ZNF362: variants seen among roughly 807,000 people sequenced by gnomAD.
ZNF362 encodes zinc finger protein 362.
A neutral mutation model predicts 42.9 loss-of-function variants in ZNF362; 11 were observed. That is an observed-to-expected ratio of 0.26 (90% CI 0.16 to 0.42). The LOEUF (loss-of-function observed/expected upper bound fraction) is 0.42. Ranked by LOEUF, ZNF362 falls within the 20% of genes least tolerant of loss-of-function variation. ZNF362 has a pLI of 1.00. For missense variants in ZNF362, 362 were observed against 576.2 expected (o/e 0.63, Z 3.81); for synonymous variants, 255 against 257.3 (o/e 0.99, Z 0.09).
rs6425813 is a variant in ZNF362 at position 33,266,591 on chromosome 1, G to T, written c.-88-3896G>T. ...AGCTGTGGGGCTATGTTGGGGTAGG[G>T]GTTGTAACTAAGAACCAGACCAAGC... On this transcript the variant is annotated intron_variant, in intron 1 of 8. Transcript: ENST00000539719. The surrounding 1 kb of genome is among the most constrained non-coding windows in gnomAD (Gnocchi z 4.3). Among the ~76,000 whole-genome samples the T allele has an allele frequency of 0.71, 108,038 of 152,084 alleles. 38,393 individuals are homozygous for T. Among genetic ancestry groups the T allele is most frequent in the East Asian group, 0.81 (4,210 of 5,172 alleles).
chr1:33,235,949 C>A, the ZNF362 span, among the ~76,000 whole-genome samples: 1 of 152,134 alleles, frequency 6.6e-6, no homozygotes, highest in Non-Finnish European at 1.5e-5. Context: ...GATGCTTAAG[C>A]TGAAAGAGAA....
chr1:33,209,645 G>C, the ZNF362 span, among the ~76,000 whole-genome samples: 1 of 152,160 alleles, frequency 6.6e-6, no homozygotes, highest in Non-Finnish European at 1.5e-5. Context: ...TCCTGGTTTA[G>C]TCTTGAGAGG....
At chr1:33,222,317 GC>G in the ZNF362 span, among the ~76,000 whole-genome samples, 1 of 152,020 alleles carries the variant, frequency 6.6e-6, no homozygotes, top group African/African-American at 2.4e-5. Flanking sequence ...CTAGAAACAA[GC>G]CCTGTACATC....
chr1:33,281,870 G>A lies in ZNF362; in HGVS notation c.908+59G>A. 1.3e-6 allele frequency: 2 copies of A among 1,575,242 alleles called. No individual in the cohort carries two copies. The highest frequency in any genetic ancestry group is 1.1e-5 in the South Asian group (1 of 89,052). On this transcript the variant is annotated intron_variant, in intron 6 of 8. Transcript: ENST00000539719. This position sits in a 1 kb window ranked among gnomAD's most constrained non-coding sequence, Gnocchi z 4.8. Reference sequence around the variant, plus strand: ...GACTCAGCTCAGCACCCGTGGCCTGGCACATGGAGCCAGTGCAAGGAGGGG... The same window carrying A: ...GACTCAGCTCAGCACCCGTGGCCTGACACATGGAGCCAGTGCAAGGAGGGG...
chr1:33,222,770 C>T, the ZNF362 span, among the ~76,000 whole-genome samples: 1 of 152,152 alleles, frequency 6.6e-6, no homozygotes, highest in Admixed American at 6.5e-5. Context: ...CAAGTGTTAC[C>T]TCTCATAGAG....
chr1:33,236,550 A>AAAAAAAAAATAT, the ZNF362 span, among the ~76,000 whole-genome samples: 21 of 5,984 alleles, frequency 3.5e-3, 1 homozygote, highest in African/African-American at 6.6e-3. Flanking sequence ...AAAAAAAAAA[A>AAAAAAAAAATAT]ATATATATAT....
At position 33,281,249 on chromosome 1, in the gene ZNF362, C is replaced by T. The variant is rs975797406; in HGVS notation, c.684-338C>T. ...CTCCCCAGATGATTCTAATGAGCAG[C>T]CTGGTTGAGAACTACTTCACGTGGT... On this transcript the variant is annotated intron_variant, in intron 5 of 8. Transcript: ENST00000539719. The surrounding 1 kb of genome is among the most constrained non-coding windows in gnomAD (Gnocchi z 4.8). Among the ~76,000 whole-genome samples, 14 of 152,248 alleles carry T rather than the reference C, an allele frequency of 9.2e-5. No homozygotes were observed. The East Asian group carries it at 2.7e-3, about 29-fold the overall frequency.
chr1:33,164,042 G>A, the ZNF362 span: 1 of 152,312 alleles, frequency 6.6e-6, no homozygotes, highest in African/African-American at 2.4e-5. Flanking sequence ...CTCTCATACA[G>A]AGAGAGGCTT....
At chr1:33,185,676 A>T in the ZNF362 span, among the ~76,000 whole-genome samples, 7 of 152,106 alleles carry the variant, frequency 4.6e-5, no homozygotes, top group Non-Finnish European at 1.0e-4. Context: ...TCCACATCTG[A>T]TGTGGTTGAG....
Position 33,280,017 on chromosome 1 carries a change from T to A in ZNF362, c.350-107T>A. On this transcript the variant is annotated intron_variant, in intron 4 of 8. Coordinates refer to ENST00000539719, the MANE Select transcript of ZNF362 (RefSeq NM_152493.3). This position sits in a 1 kb window ranked among gnomAD's most constrained non-coding sequence, Gnocchi z 5.6. Reference sequence around the variant, plus strand: ...TTAGTTACCCCTGGGTAATAACTTATGAACGTTAAGGGGATGCTCGCCTGC... The same window carrying A: ...TTAGTTACCCCTGGGTAATAACTTAAGAACGTTAAGGGGATGCTCGCCTGC... The A allele has an allele frequency of 7.5e-7, 1 of 1,341,254 alleles. No individual in the cohort carries two copies. The highest frequency in any genetic ancestry group is 9.9e-7 in the Non-Finnish European group (1 of 1,008,910). The allele number at this position is 1,341,254 out of a possible 1,614,324, so 83.1% of individuals were successfully genotyped here. A position where few individuals can be genotyped will look rare whatever the true frequency, so the allele number is the denominator to read the frequency against.
chr1:33,179,397 G>T, the ZNF362 span, among the ~76,000 whole-genome samples: 1 of 152,202 alleles, frequency 6.6e-6, no homozygotes, highest in East Asian at 1.9e-4. Flanking sequence ...CATCTGCTGG[G>T]TGCAGGCCTA....
At chr1:33,170,393 AAAC>A in the ZNF362 span, among the ~76,000 whole-genome samples, 35 of 152,054 alleles carry the variant, frequency 2.3e-4, no homozygotes, top group African/African-American at 7.5e-4. Context: ...CCCATCTTTA[AAAC>A]AACAACAACA....
At chr1:33,277,911 G>A (rs928318200) in intron 4 of ZNF362, among the ~76,000 whole-genome samples, 2 of 147,482 alleles carry the variant, frequency 1.4e-5, no homozygotes, top group African/African-American at 5.2e-5. Flanking sequence ...AGACCTCAGT[G>A]GTTGGGCCTT....
intron 1 of ZNF362, among the ~76,000 whole-genome samples, chr1:33,268,471 AACAG>A (rs1224486140): frequency 6.6e-6 from 1 of 152,232 alleles, no homozygotes; most frequent in African/African-American, 2.4e-5. Flanking sequence ...TGGATGAGCA[AACAG>A]ACAGAACATG....
the ZNF362 span, among the ~76,000 whole-genome samples, chr1:33,250,895 G>GAA: frequency 6.9e-4 from 105 of 151,728 alleles, no homozygotes; most frequent in East Asian, 1.6e-3. Context: ...AGAAGAAGAA[G>GAA]GAGAAGAAGA....
At chr1:33,178,692 T>G in the ZNF362 span, among the ~76,000 whole-genome samples, 1 of 152,200 alleles carries the variant, frequency 6.6e-6, no homozygotes, top group East Asian at 1.9e-4. Flanking sequence ...ATGAAGTGAC[T>G]CACCAAGGTG....
In ZNF362 at chr1:33,300,064, C is replaced by T. The variant is rs1164742191; in HGVS notation, c.*1018C>T. 6.6e-6 allele frequency: 1 copy of T among 152,572 alleles called. No individual in the cohort carries two copies. Among genetic ancestry groups the T allele is most frequent in the Non-Finnish European group, 1.5e-5 (1 of 68,080 alleles). The allele number at this position is 152,572 out of a possible 1,614,324, so 9.5% of individuals were successfully genotyped here. A position where few individuals can be genotyped will look rare whatever the true frequency, so the allele number is the denominator to read the frequency against. ...GAGCAGACCCTGCCCCCAGCCCCCA[C>T]AGACACACCCCAATCTGAAAGCCAT... On this transcript the variant is annotated 3_prime_UTR_variant, in exon 9 of 9. Transcript: ENST00000539719.
At chr1:33,183,874 G>A in the ZNF362 span, among the ~76,000 whole-genome samples, 3 of 152,142 alleles carry the variant, frequency 2.0e-5, no homozygotes, top group Non-Finnish European at 4.4e-5. Context: ...CTGGACTTCA[G>A]GATATGTGAG....
intron 6 of ZNF362, among the ~76,000 whole-genome samples, chr1:33,292,877 C>T (rs1325577363): frequency 6.6e-6 from 1 of 152,194 alleles, no homozygotes; most frequent in African/African-American, 2.4e-5. Context: ...AAGGTCCTTC[C>T]ATTGTAGAGA....
Sources: allele counts gnomAD v4.1 joint callset (sites outside exome capture counted in the v4.1 genomes callset), GRCh38; gene constraint gnomAD v4.1.1; non-coding constraint Gnocchi (gnomAD v3.1); transcripts MANE v1.5; gene names NCBI Gene and HGNC (gene_info 2026-07-23, HGNC 2026-07-21).